REEP3: variants seen among roughly 807,000 people sequenced by gnomAD.
The protein encoded by REEP3 is receptor accessory protein 3.
Under a neutral mutation model 41.3 loss-of-function variants are expected in REEP3, and 20 were observed. The observed-to-expected ratio is 0.48, with a 90% CI of 0.34 to 0.70. The LOEUF (loss-of-function observed/expected upper bound fraction) is 0.70. REEP3 is among the 30% of genes least tolerant of loss of function. The pLI, the probability that REEP3 is intolerant of heterozygous loss-of-function variation, is 0.01. For missense variants in REEP3, 271 were observed against 308.8 expected, an observed-to-expected ratio of 0.88 and a Z score of 0.92; for synonymous variants, 104 against 101.8, an observed-to-expected ratio of 1.02 and a Z score of -0.13.
chr10:63,539,853 T>G (rs1389930748), intron 1 of REEP3, among the ~76,000 whole-genome samples: 1 of 152,164 alleles, frequency 6.6e-6, no homozygotes, highest in Non-Finnish European at 1.5e-5. Context: ...AAAAAAACTC[T>G]CCAGGTGATT....
intron 2 of REEP3, among the ~76,000 whole-genome samples, chr10:63,574,720 C>A (rs1479061873): frequency 6.6e-6 from 1 of 151,954 alleles, no homozygotes; most frequent in Non-Finnish European, 1.5e-5. Context: ...CCAAACTTTC[C>A]TAGAGTTGTG....
At chr10:63,619,320 GACT>G (rs1199339086) in intron 6 of REEP3, among the ~76,000 whole-genome samples, 5 of 152,172 alleles carry the variant, frequency 3.3e-5, no homozygotes, top group Non-Finnish European at 7.4e-5. Context: ...GGTGGGAAGA[GACT>G]TTTTGCTCTA....
At chr10:63,521,608 G>A (rs1955246216) in intron 1 of REEP3, 31 bp downstream of exon 1, 2 of 1,390,974 alleles carry the variant, frequency 1.4e-6, no homozygotes, top group Non-Finnish European at 1.9e-6. Context: ...CCTGCAGCCG[G>A]CGCGAGGCCC....
intron 6 of REEP3, among the ~76,000 whole-genome samples, chr10:63,613,998 CA>C (rs548923248): frequency 2.6e-4 from 40 of 151,906 alleles, no homozygotes; most frequent in African/African-American, 7.7e-4. Flanking sequence ...AACTCTAATA[CA>C]GGGGGAAAAA....
Position 63,599,170 on chromosome 10 carries a change from G to C in REEP3, c.304G>C (p.Glu102Gln). The part of the protein sequence containing the change: ...LHPLLSSKER[E>Q]IDDYIVQAKE... Reference sequence around the variant, plus strand: ...TAACATCTGTGGCTTTTTCCCCCAGGAGATTGATGATTATATTGTACAAGC... The same window carrying C: ...TAACATCTGTGGCTTTTTCCCCCAGCAGATTGATGATTATATTGTACAAGC... The change falls in exon 5 of 8, where the codon GAG becomes CAG. Residue 102 changes from glutamate (E) to glutamine (Q), a missense_variant and splice_region_variant. Physicochemically the swap from Glu to Gln is conservative, Grantham distance 29 (BLOSUM62 2). Coordinates refer to ENST00000373758, the MANE Select transcript of REEP3 (RefSeq NM_001001330.3). 1 of 1,517,814 alleles carries C rather than the reference G, an allele frequency of 6.6e-7. No individual in the cohort carries two copies. Among genetic ancestry groups the C allele is most frequent in the Non-Finnish European group, 9.0e-7 (1 of 1,114,928 alleles). The allele number at this position is 1,517,814 out of a possible 1,614,324, so 94.0% of individuals were successfully genotyped here.
rs1589871473 is a variant in REEP3, at chr10:63,571,582, T to C, written c.105+5172T>C. Reference sequence around the variant, plus strand: ...GATTACATTGGGCCCACCTGATTAATCCAGGATAAACTTCCCATTTCAAGG... The same window carrying C: ...GATTACATTGGGCCCACCTGATTAACCCAGGATAAACTTCCCATTTCAAGG... On this transcript the variant is annotated intron_variant, in intron 2 of 7. Transcript: ENST00000373758. Among the ~76,000 whole-genome samples the C allele has an allele frequency of 2.0e-5, 3 of 152,196 alleles. No homozygotes were observed. In the East Asian group the frequency reaches 5.8e-4, roughly 29 times the overall value.
At chr10:63,601,757 A>G (rs1670224476) in intron 5 of REEP3, among the ~76,000 whole-genome samples, 1 of 152,040 alleles carries the variant, frequency 6.6e-6, no homozygotes, top group Non-Finnish European at 1.5e-5. Context: ...AGTTTCTACT[A>G]AAAATTCAAA....
intron 1 of REEP3, among the ~76,000 whole-genome samples, chr10:63,537,336 A>T (rs531749715): frequency 2.0e-5 from 3 of 152,346 alleles, no homozygotes; most frequent in African/African-American, 7.2e-5. Context: ...TAATGTATAC[A>T]TACACACATA....
At chr10:63,527,488 C>G (rs1189447038) in intron 1 of REEP3, among the ~76,000 whole-genome samples, 1 of 151,902 alleles carries the variant, frequency 6.6e-6, no homozygotes, top group Non-Finnish European at 1.5e-5. Flanking sequence ...TCCAGGCAAC[C>G]TGGTGAAACC....
intron 2 of REEP3, among the ~76,000 whole-genome samples, chr10:63,569,784 A>C (rs1277045828): frequency 6.6e-6 from 1 of 152,136 alleles, no homozygotes; most frequent in Non-Finnish European, 1.5e-5. Flanking sequence ...TCTACAAAAA[A>C]TATAAAAATT....
At chr10:63,561,003 A>C (rs1476051909) in intron 1 of REEP3, among the ~76,000 whole-genome samples, 1 of 152,236 alleles carries the variant, frequency 6.6e-6, no homozygotes, top group East Asian at 1.9e-4. Context: ...TCACTAAAAC[A>C]TTCAATCTTA....
At chr10:63,571,210 G>A (rs185062148) in intron 2 of REEP3, among the ~76,000 whole-genome samples, 68 of 152,288 alleles carry the variant, frequency 4.5e-4, no homozygotes, top group Non-Finnish European at 5.3e-4. Context: ...GATTTCCTAC[G>A]AGTTTCAAAG....
At chr10:63,568,345 G>A (rs1346839514) in intron 2 of REEP3, among the ~76,000 whole-genome samples, 1 of 151,218 alleles carries the variant, frequency 6.6e-6, no homozygotes, top group Non-Finnish European at 1.5e-5. Context: ...TGGCTCACTG[G>A]AAGCTCTACC....
At chr10:63,578,103 GTATT>G (rs1227703191) in intron 2 of REEP3, among the ~76,000 whole-genome samples, 2 of 152,010 alleles carry the variant, frequency 1.3e-5, no homozygotes, top group East Asian at 3.9e-4. Context: ...ATTTATGTAT[GTATT>G]TATTTATTTA....
At chr10:63,581,817 A>G (rs1037290263) in intron 2 of REEP3, among the ~76,000 whole-genome samples, 1 of 150,138 alleles carries the variant, frequency 6.7e-6, no homozygotes, top group Non-Finnish European at 1.5e-5. Flanking sequence ...TATCTGCTCA[A>G]TTGTTAGCTA....
intron 1 of REEP3, among the ~76,000 whole-genome samples, chr10:63,530,314 A>G (rs1315082686): frequency 6.6e-6 from 1 of 152,116 alleles, no homozygotes; most frequent in African/African-American, 2.4e-5. Context: ...TTTTCTTTCA[A>G]TTAGGTTAAG....
intron 5 of REEP3, among the ~76,000 whole-genome samples, chr10:63,604,045 A>G (rs915148433): frequency 8.5e-5 from 13 of 152,360 alleles, no homozygotes; most frequent in Middle Eastern, 3.4e-3. Context: ...TGTTTAAAGT[A>G]TCTTTCAGGC....
chr10:63,606,785 T>TATGCCAC (rs1416126937), intron 5 of REEP3, among the ~76,000 whole-genome samples: 1 of 152,206 alleles, frequency 6.6e-6, no homozygotes, highest in Non-Finnish European at 1.5e-5. Flanking sequence ...ATTCTTATAG[T>TATGCCAC]ATGCCACATA....
At chr10:63,523,847 G>A (rs1244615208) in intron 1 of REEP3, among the ~76,000 whole-genome samples, 1 of 152,178 alleles carries the variant, frequency 6.6e-6, no homozygotes, top group Non-Finnish European at 1.5e-5. Flanking sequence ...ATGTTATAAG[G>A]CAGCAACAGC....
Sources: allele counts gnomAD v4.1 joint callset (sites outside exome capture counted in the v4.1 genomes callset), GRCh38; gene constraint gnomAD v4.1.1; transcripts MANE v1.5; gene names NCBI Gene and HGNC (gene_info 2026-07-23, HGNC 2026-07-21).